PNPLA1: variants seen among roughly 807,000 people sequenced by gnomAD.
The protein encoded by PNPLA1 is patatin like domain 1, omega-hydroxyceramide transacylase.
PNPLA1 carries 36 observed loss-of-function variants against 51.7 expected under a neutral mutation model. That is an observed-to-expected ratio of 0.70 (90% CI 0.53 to 0.92). PNPLA1 has a LOEUF of 0.92. Ranked by LOEUF, PNPLA1 falls within the 40% of genes least tolerant of loss-of-function variation. The pLI is 0.00. For synonymous variants in PNPLA1, 293 were observed against 280.1 expected (o/e 1.05, Z -0.46); for missense variants, 658 against 682.5 (o/e 0.96, Z 0.40).
At chr6:36,304,366 G>A (rs1402514111) in intron 6 of PNPLA1, among the ~76,000 whole-genome samples, 1 of 151,984 alleles carries the variant, frequency 6.6e-6, no homozygotes, top group Non-Finnish European at 1.5e-5. Flanking sequence ...AGAAAATTAG[G>A]CTGTGACTCA....
chr6:36,246,071 G>T (rs1769274301), intron 1 of PNPLA1, among the ~76,000 whole-genome samples: 1 of 152,174 alleles, frequency 6.6e-6, no homozygotes. Flanking sequence ...TCACAACACT[G>T]CAGGCAGGTC....
At position 36,291,174 on chromosome 6, in the gene PNPLA1, G is replaced by T. The variant is rs374914325; in HGVS notation, c.206-146G>T. 8.2e-5 allele frequency: 53 copies of T among 645,538 alleles called. No homozygotes were observed. In the East Asian group the frequency reaches 1.1e-3, roughly 13 times the overall value. 40.0% of individuals were successfully genotyped at this position (645,538 alleles called of 1,614,324 possible). ...TCCGTCATGTGCAAGACAGCAGGCCGATTCCTGGGGTTTTCCCAGCTTCCG... is the reference window on the plus strand; with the variant it reads ...TCCGTCATGTGCAAGACAGCAGGCCTATTCCTGGGGTTTTCCCAGCTTCCG... On this transcript the variant is annotated intron_variant, in intron 1 of 8. Coordinates refer to ENST00000636260, the MANE Select transcript of PNPLA1 (RefSeq NM_001374623.1).
intron 1 of PNPLA1, among the ~76,000 whole-genome samples, chr6:36,274,460 T>G (rs1770029996): frequency 6.6e-6 from 1 of 152,170 alleles, no homozygotes; most frequent in Non-Finnish European, 1.5e-5. Flanking sequence ...AGTCTCATCG[T>G]TAGTTAGAAG....
chr6:36,307,877 A>T (rs955604969), intron 8 of PNPLA1, 165 bp downstream of exon 8: 1 of 839,052 alleles, frequency 1.2e-6, no homozygotes, highest in African/African-American at 1.7e-5. Context: ...GCTCTGCCAC[A>T]GCTCCACTCA....
intron 1 of PNPLA1, among the ~76,000 whole-genome samples, chr6:36,246,634 A>C (rs1769291259): frequency 6.6e-6 from 1 of 152,176 alleles, no homozygotes; most frequent in Non-Finnish European, 1.5e-5. Flanking sequence ...CAGAGACAAC[A>C]GGAAGGTCCT....
At chr6:36,270,809 G>A (rs1202268404) in intron 1 of PNPLA1, 145 bp downstream of exon 1, 1 of 985,646 alleles carries the variant, frequency 1.0e-6, no homozygotes, top group Non-Finnish European at 1.5e-6. Flanking sequence ...GTTGGAGTAG[G>A]ATAGCGGCAG....
At position 36,312,486 on chromosome 6, in the gene PNPLA1, G is replaced by A. The variant is rs1217768701; in HGVS notation, c.*600G>A. On this transcript the variant is annotated 3_prime_UTR_variant, in exon 9 of 9. Transcript: ENST00000636260. ...GGCTACCTGCTGAGGGTTGCCCAAG[G>A]TGTATGAACCTGTAAGGGTGATCCC... 6.6e-6 allele frequency among the ~76,000 whole-genome samples: 1 copy of A among 152,182 alleles called. No homozygotes were observed. Among genetic ancestry groups the A allele is most frequent in the African/African-American group, 2.4e-5 (1 of 41,448 alleles).
intron 5 of PNPLA1, among the ~76,000 whole-genome samples, chr6:36,297,549 CA>C (rs1370861503): frequency 6.6e-6 from 1 of 152,152 alleles, no homozygotes; most frequent in East Asian, 1.9e-4. Flanking sequence ...CACATTCTCA[CA>C]GCCTCTTTCT....
intron 2 of PNPLA1, 79 bp from the exon 3 acceptor site, chr6:36,292,982 T>C (rs949731043): frequency 7.9e-7 from 1 of 1,271,986 alleles, no homozygotes; most frequent in South Asian, 1.4e-5. Flanking sequence ...TGGTGGTGGG[T>C]GGCCCAGGGG....
At chr6:36,286,650 G>A (rs537588865) in intron 1 of PNPLA1, among the ~76,000 whole-genome samples, 6 of 152,152 alleles carry the variant, frequency 3.9e-5, no homozygotes, top group Non-Finnish European at 7.4e-5. Flanking sequence ...TCCAAGTGCC[G>A]TTCAAAAATC....
chr6:36,291,431 G>C lies in PNPLA1; in HGVS notation c.317G>C (p.Arg106Pro), dbSNP rs561297650. ...MVQMMRQFLY[R>P]VLPEDSYKVT... ...CAGATGATGAGGCAGTTTCTGTACC[G>C]GGTCCTGCCCGAGGACTCCTACAAG... The change falls in exon 2 of 9, where the codon CGG becomes CCG. Residue 106 changes from arginine (R) to proline (P), a missense_variant. Physicochemically the swap from Arg to Pro is moderately radical, Grantham distance 103 (BLOSUM62 -2). Transcript: ENST00000636260. The C allele has an allele frequency of 2.5e-6, 4 of 1,613,952 alleles. No homozygotes were observed. The African/African-American group carries it at 5.3e-5, about 22-fold the overall frequency.
rs372224931 is a variant in PNPLA1, at chr6:36,282,192, A to AGAAGGAAG, written c.206-9114_206-9107dup. Reference sequence around the variant, plus strand: ...GAAAGAGACAGAGAGAAAGAAAGAAAGAAGGAAGGAAGGAAGGAAGGGAAG... The same window carrying AGAAGGAAG: ...GAAAGAGACAGAGAGAAAGAAAGAAAGAAGGAAGGAAGGAAGGAAGGAAGGAAGGGAAG... On this transcript the variant is annotated intron_variant, in intron 1 of 8. Coordinates refer to ENST00000636260, the MANE Select transcript of PNPLA1 (RefSeq NM_001374623.1). Among the ~76,000 whole-genome samples the AGAAGGAAG allele has an allele frequency of 4.0e-3, 136 of 34,306 alleles. 2 individuals are homozygous for AGAAGGAAG. Among genetic ancestry groups the AGAAGGAAG allele is most frequent in the African/African-American group, 0.011 (126 of 11,478 alleles). The allele number at this position is 34,306 out of a possible 152,430, so 22.5% of individuals were successfully genotyped here.
At chr6:36,284,753 G>T (rs1403046536) in intron 1 of PNPLA1, among the ~76,000 whole-genome samples, 1 of 152,178 alleles carries the variant, frequency 6.6e-6, no homozygotes, top group Admixed American at 6.5e-5. Context: ...TTCCTAAGGT[G>T]GGTGGGGCGA....
At chr6:36,246,668 T>A (rs908629704) in intron 1 of PNPLA1, among the ~76,000 whole-genome samples, 1 of 152,134 alleles carries the variant, frequency 6.6e-6, no homozygotes, top group Non-Finnish European at 1.5e-5. Flanking sequence ...ACTAGACGCT[T>A]TCCCACCCAG....
In PNPLA1 at chr6:36,313,769, T is replaced by A. The variant is rs188345209; in HGVS notation, c.*1883T>A. On this transcript the variant is annotated 3_prime_UTR_variant, in exon 9 of 9. Coordinates refer to ENST00000636260, the MANE Select transcript of PNPLA1 (RefSeq NM_001374623.1). Reference sequence around the variant, plus strand: ...TCCATGTTTGCAGAAGCCTGAGGCCTGGGAAACTAGGGGGAGGAGAGTGTC... The same window carrying A: ...TCCATGTTTGCAGAAGCCTGAGGCCAGGGAAACTAGGGGGAGGAGAGTGTC... 6.6e-6 allele frequency among the ~76,000 whole-genome samples: 1 copy of A among 152,316 alleles called. No individual in the cohort carries two copies. The highest frequency in any genetic ancestry group is 1.9e-4 in the East Asian group (1 of 5,184).
rs201762132 is a variant in PNPLA1 at position 36,294,425 on chromosome 6, G to A, written c.714+26G>A. 3.7e-6 allele frequency: 6 copies of A among 1,600,130 alleles called. No homozygotes were observed. In the Admixed American group the frequency reaches 6.7e-5, roughly 18 times the overall value. ...GTGAGAGGCAGGAGGGGTCTGGGGA[G>A]TAGCAGAAGGTACCAGGGACTAGGG... On this transcript the variant is annotated intron_variant, in intron 4 of 8. Transcript: ENST00000636260. The surrounding 1 kb of genome is among the most constrained non-coding windows in gnomAD (Gnocchi z 4.2).
At chr6:36,284,559 C>T (rs1582067542) in intron 1 of PNPLA1, among the ~76,000 whole-genome samples, 1 of 46,308 alleles carries the variant, frequency 2.2e-5, no homozygotes, top group African/African-American at 5.4e-5. Context: ...ATCCACTCAT[C>T]CATCCATCCA....
At chr6:36,308,543 A>G (rs1771313503) in intron 8 of PNPLA1, 2 of 152,308 alleles carry the variant, frequency 1.3e-5, no homozygotes, top group Admixed American at 1.3e-4. Context: ...GCACCTACTA[A>G]GTGCCAAACA....
At position 36,294,379 on chromosome 6, in the gene PNPLA1, T is replaced by C. The variant is rs766307496; in HGVS notation, c.694T>C (p.Leu232=). The change falls in exon 4 of 9, where the codon TTG becomes CTG. Residue 232 remains leucine, a synonymous_variant. Transcript: ENST00000636260. This position sits in a 1 kb window ranked among gnomAD's most constrained non-coding sequence, Gnocchi z 4.2. ...GAACATCGCCAGGATGACCCACGCA[T>C]TGTTCCCCCCGGACCTGGTGGTGAG... is the stretch of plus-strand genomic sequence containing the variant. The part of the protein sequence containing the change: ...LENIARMTHA[L]FPPDLVILHD... The C allele has an allele frequency of 6.2e-7, 1 of 1,614,090 alleles. No individual in the cohort carries two copies. Among genetic ancestry groups the C allele is most frequent in the East Asian group, 2.2e-5 (1 of 44,870 alleles).
Sources: gnomAD v4.1 joint callset for allele counts (sites outside exome capture counted in the v4.1 genomes callset) on GRCh38, gnomAD v4.1.1 for gene constraint, Gnocchi (gnomAD v3.1) non-coding constraint, MANE v1.5 for transcripts, NCBI Gene and HGNC (gene_info 2026-07-23, HGNC 2026-07-21) for gene names.